Variants in LGSN observed in about 807,000 individuals in gnomAD.
The protein encoded by LGSN is lengsin, lens protein with glutamine synthetase domain.
A neutral mutation model predicts 19.5 loss-of-function variants in LGSN; 21 were observed. The ratio of observed to expected loss-of-function variants is 1.07; its 90% CI spans 0.76 to 1.55. The LOEUF (loss-of-function observed/expected upper bound fraction) is 1.55, where lower values mean the gene tolerates loss of function less well. Ranked by LOEUF, LGSN falls within the 40% of genes most tolerant of loss-of-function variation. The probability of loss-of-function intolerance (pLI) is 0.00; values close to 1 mark genes in which losing one functional copy is unlikely to be tolerated. For missense variants in LGSN, 673 were observed against 608.5 expected (o/e 1.11, Z -1.12); for synonymous variants, 257 against 215.6 (o/e 1.19, Z -1.68).
At chr6:63,480,986 T>TACACAC in the LGSN span, among the ~76,000 whole-genome samples, 8 of 44,112 alleles carry the variant, frequency 1.8e-4, no homozygotes, top group Non-Finnish European at 3.6e-4. Context: ...TATATATATA[T>TACACAC]ACACACACAC....
At chr6:63,404,419 T>C in the LGSN span, among the ~76,000 whole-genome samples, 7 of 152,204 alleles carry the variant, frequency 4.6e-5, no homozygotes, top group African/African-American at 1.7e-4. Flanking sequence ...GCAAGATTTC[T>C]ATTTACTATA....
At chr6:63,571,985 G>A in the LGSN span, 35 of 152,320 alleles carry the variant, frequency 2.3e-4, no homozygotes, top group African/African-American at 7.7e-4. Context: ...GGTACTCGGG[G>A]CCCAGGTGCC....
At chr6:63,384,489 TTGTGTG>T in the LGSN span, among the ~76,000 whole-genome samples, 2,143 of 131,554 alleles carry the variant, frequency 0.016, 34 homozygotes, top group African/African-American at 0.046. Flanking sequence ...AAATAACACC[TTGTGTG>T]TGTGTGTGTG....
chr6:63,562,819 G>T, the LGSN span, among the ~76,000 whole-genome samples: 7 of 152,148 alleles, frequency 4.6e-5, no homozygotes, highest in Admixed American at 4.6e-4. Context: ...TACTTTGAGT[G>T]CCTTTATTTA....
At chr6:63,338,541 C>T in the LGSN span, among the ~76,000 whole-genome samples, 454 of 152,210 alleles carry the variant, frequency 3.0e-3, 3 homozygotes, top group African/African-American at 0.01. Flanking sequence ...TAGTATCAGT[C>T]GTAATGGCTC....
chr6:63,540,670 G>A, the LGSN span, among the ~76,000 whole-genome samples: 3 of 151,786 alleles, frequency 2.0e-5, no homozygotes, highest in Admixed American at 1.3e-4. Context: ...AGATGAAAAT[G>A]AGATTTCTAT....
the LGSN span, chr6:63,481,695 C>A: frequency 1.2e-5 from 2 of 167,296 alleles, no homozygotes; most frequent in South Asian, 1.5e-4. Flanking sequence ...AGAAATGAGT[C>A]AGAAGAATTC....
chr6:63,390,775 C>T, the LGSN span, among the ~76,000 whole-genome samples: 33 of 148,586 alleles, frequency 2.2e-4, no homozygotes, highest in Admixed American at 2.1e-3. Context: ...AGGAGAATGG[C>T]GTGAACCCCG....
At chr6:63,539,752 A>G in the LGSN span, among the ~76,000 whole-genome samples, 1 of 151,038 alleles carries the variant, frequency 6.6e-6, no homozygotes, top group Non-Finnish European at 1.5e-5. Flanking sequence ...CTGGCAACAG[A>G]GTGAGACTCT....
At chr6:63,385,118 C>T in the LGSN span, among the ~76,000 whole-genome samples, 2 of 152,004 alleles carry the variant, frequency 1.3e-5, no homozygotes, top group Admixed American at 1.3e-4. Context: ...TTATGGCAGC[C>T]CTAGAAATCT....
chr6:63,487,489 T>TTAATCACCA, the LGSN span, among the ~76,000 whole-genome samples: 1 of 152,242 alleles, frequency 6.6e-6, no homozygotes, highest in Non-Finnish European at 1.5e-5. Flanking sequence ...GCCAAAATTA[T>TTAATCACCA]CTTTCAACAC....
chr6:63,559,213 TC>T, the LGSN span, among the ~76,000 whole-genome samples: 1 of 152,182 alleles, frequency 6.6e-6, no homozygotes, highest in Admixed American at 6.5e-5. Context: ...TTATAAATAC[TC>T]CCTTGTAACA....
At chr6:63,308,233 A>C (rs79797808) in intron 1 of LGSN, among the ~76,000 whole-genome samples, 5,489 of 152,278 alleles carry the variant, frequency 0.036, 336 homozygotes, top group African/African-American at 0.13. Flanking sequence ...TTCACAATTC[A>C]AAAATGTTTC....
chr6:63,521,313 T>C, the LGSN span, among the ~76,000 whole-genome samples: 2 of 152,178 alleles, frequency 1.3e-5, no homozygotes, highest in Non-Finnish European at 2.9e-5. Flanking sequence ...AATATCTGGC[T>C]TGTCGTATTC....
Position 63,277,170 on chromosome 6 carries a change from C to T in LGSN, c.*2851G>A, listed in dbSNP as rs563557613. 1.2e-4 allele frequency: 19 copies of T among 152,134 alleles called. No homozygotes were observed. Among genetic ancestry groups the T allele is most frequent in the African/African-American group, 4.1e-4 (17 of 41,490 alleles). 9.4% of individuals were successfully genotyped at this position (152,134 alleles called of 1,614,324 possible). On this transcript the variant is annotated 3_prime_UTR_variant, in exon 4 of 4. Coordinates refer to ENST00000370657, the MANE Select transcript of LGSN (RefSeq NM_016571.3). ...GTGTTTTTAAGTTATGCTAATAATG[C>T]GAAAGGGGAAAAAACGGCTTCAAAC...
chr6:63,422,513 C>T, the LGSN span, among the ~76,000 whole-genome samples: 1 of 151,982 alleles, frequency 6.6e-6, no homozygotes, highest in Non-Finnish European at 1.5e-5. Flanking sequence ...TGCTATGAAC[C>T]TATAAATTAT....
rs1767279493 is a variant in LGSN at position 63,280,881 on chromosome 6, T to C, written c.670A>G (p.Ile224Val). The stretch of plus-strand genomic sequence containing the variant: ...AAAAATGTTAAAGCAGGAAAAGATA[T>C]AATCTTTGAATTTAAAATTTCGGGC... ...GVPEILNSKI[I>V]SFPALTFLNN... Residue 224 changes from isoleucine (I) to valine (V), a missense_variant, in exon 4 of 4, where the codon ATA (isoleucine) becomes GTA (valine). By Grantham distance (29) the Ile-to-Val change is conservative (BLOSUM62 3). Coordinates refer to ENST00000370657, the MANE Select transcript of LGSN (RefSeq NM_016571.3). 3 of 1,613,860 alleles carry C rather than the reference T, an allele frequency of 1.9e-6. No individual in the cohort carries two copies. The highest frequency in any genetic ancestry group is 2.2e-5 in the South Asian group (2 of 91,076).
In LGSN at chr6:63,276,333, C is replaced by A. The variant is rs917914995; in HGVS notation, c.*3688G>T. ...ATTTCAAGCGTTGTTGTTATTCACACACTGTAAAATGAAATTTTAGATTAT... is the reference window on the plus strand; with the variant it reads ...ATTTCAAGCGTTGTTGTTATTCACAAACTGTAAAATGAAATTTTAGATTAT... On this transcript the variant is annotated 3_prime_UTR_variant, in exon 4 of 4. Coordinates refer to ENST00000370657, the MANE Select transcript of LGSN (RefSeq NM_016571.3). 1 of 152,190 alleles carries A rather than the reference C, an allele frequency of 6.6e-6. No individual in the cohort carries two copies. The highest frequency in any genetic ancestry group is 1.5e-5 in the Non-Finnish European group (1 of 68,018). 9.4% of individuals were successfully genotyped at this position (152,190 alleles called of 1,614,324 possible). A position where few individuals can be genotyped will look rare whatever the true frequency, so the allele number is the denominator to read the frequency against.
chr6:63,456,895 C>A, the LGSN span, among the ~76,000 whole-genome samples: 1 of 152,312 alleles, frequency 6.6e-6, no homozygotes, highest in South Asian at 2.1e-4. Context: ...TCAAGGAATT[C>A]TGTAGGCTTT....
Sources: allele counts gnomAD v4.1 joint callset (sites outside exome capture counted in the v4.1 genomes callset), GRCh38; gene constraint gnomAD v4.1.1; transcripts MANE v1.5; gene names NCBI Gene and HGNC (gene_info 2026-07-23, HGNC 2026-07-21).